The following LRP12 variants were observed in gnomAD, a reference collection of about 807,000 sequenced individuals.
LRP12 encodes the protein low-density lipoprotein receptor-related protein 12.
Under a neutral mutation model 66.0 loss-of-function variants are expected in LRP12, and 14 were observed. That is an observed-to-expected ratio of 0.21 (90% CI 0.14 to 0.33). The LOEUF (loss-of-function observed/expected upper bound fraction) is 0.33, where lower values mean the gene tolerates loss of function less well. Among genes scored for constraint, LRP12 ranks in the 10% least tolerant of loss-of-function variants. The pLI is 1.00. For missense variants in LRP12, 889 were observed against 1,053.4 expected (o/e 0.84, Z 2.16); for synonymous variants, 357 against 359.1 (o/e 0.99, Z 0.07).
At chr8:104,498,418 G>A (rs978069275) in intron 4 of LRP12, among the ~76,000 whole-genome samples, 1 of 136,980 alleles carries the variant, frequency 7.3e-6, no homozygotes, top group Non-Finnish European at 1.5e-5. Flanking sequence ...TCTGGGGCCT[G>A]TGTCCATGTG....
At chr8:104,583,457 C>T (rs79297777) in intron 1 of LRP12, among the ~76,000 whole-genome samples, 1,659 of 152,254 alleles carry the variant, frequency 0.011, 22 homozygotes, top group African/African-American at 0.021. Flanking sequence ...GTCTCATAAA[C>T]GTCCCTTCAT....
intron 3 of LRP12, among the ~76,000 whole-genome samples, chr8:104,499,828 C>T (rs541493723): frequency 6.6e-6 from 1 of 152,270 alleles, no homozygotes; most frequent in South Asian, 2.1e-4. Context: ...GGAAAGACCA[C>T]TTCTAACTCA....
chr8:104,561,988 T>C (rs1305618220), intron 1 of LRP12, among the ~76,000 whole-genome samples: 1 of 152,214 alleles, frequency 6.6e-6, no homozygotes, highest in Admixed American at 6.5e-5. Context: ...TCACTGCTAT[T>C]GTGCAATTAT....
At chr8:104,553,219 C>A (rs925831462) in intron 1 of LRP12, among the ~76,000 whole-genome samples, 1 of 152,064 alleles carries the variant, frequency 6.6e-6, no homozygotes, top group African/African-American at 2.4e-5. Flanking sequence ...GTGAAGTTTA[C>A]TGGACAGAAT....
At chr8:104,588,028 G>A (rs534521338) in intron 1 of LRP12, among the ~76,000 whole-genome samples, 1 of 152,314 alleles carries the variant, frequency 6.6e-6, no homozygotes, top group African/African-American at 2.4e-5. Context: ...ATATAAAGCT[G>A]TCCGCACAGT....
Position 104,560,623 on chromosome 8 carries a change from C to G in LRP12, c.79+28196G>C, listed in dbSNP as rs182834542. On this transcript the variant is annotated intron_variant, in intron 1 of 6. Transcript: ENST00000276654. ...TTTGTGAAGTATGTTGAAGCAAATG[C>G]CACATATCATTTTACCTCCATATAC... Among the ~76,000 whole-genome samples the G allele has an allele frequency of 6.0e-3, 915 of 152,218 alleles. 9 individuals are homozygous for G. Among genetic ancestry groups the G allele is most frequent in the Admixed American group, 0.012 (190 of 15,282 alleles).
Position 104,573,836 on chromosome 8 carries a change from G to GA in LRP12, c.79+14982dup, listed in dbSNP as rs532669860. On this transcript the variant is annotated intron_variant, in intron 1 of 6. Transcript: ENST00000276654. Reference sequence around the variant, plus strand: ...AAGAGGGAGGTTAGGTTACAGGAAGGAAAAAAAGAGGTAGAGGGCAGAAGA... The same window carrying GA: ...AAGAGGGAGGTTAGGTTACAGGAAGGAAAAAAAAGAGGTAGAGGGCAGAAGA... 2.4e-4 allele frequency among the ~76,000 whole-genome samples: 36 copies of GA among 151,858 alleles called. No homozygotes were observed. The East Asian group carries it at 6.2e-3, about 26-fold the overall frequency.
intron 1 of LRP12, among the ~76,000 whole-genome samples, chr8:104,575,377 T>C (rs7838928): frequency 0.071 from 10,856 of 152,254 alleles, 1,092 homozygotes; most frequent in African/African-American, 0.23. Flanking sequence ...GCACTGCTAG[T>C]GCTCTGCCAC....
At chr8:104,522,788 T>C (rs1163624552) in intron 2 of LRP12, among the ~76,000 whole-genome samples, 1 of 152,016 alleles carries the variant, frequency 6.6e-6, no homozygotes, top group African/African-American at 2.4e-5. Context: ...CAAATCTCAT[T>C]CTCTTATTCT....
At chr8:104,523,340 A>G (rs1811178734) in intron 2 of LRP12, among the ~76,000 whole-genome samples, 1 of 152,218 alleles carries the variant, frequency 6.6e-6, no homozygotes, top group Non-Finnish European at 1.5e-5. Flanking sequence ...CTAACCTATT[A>G]TAAAGAGTTA....
intron 1 of LRP12, among the ~76,000 whole-genome samples, chr8:104,547,464 G>GTTATA (rs1383283721): frequency 1.5e-5 from 2 of 131,668 alleles, no homozygotes; most frequent in Non-Finnish European, 3.1e-5. Context: ...ATATAATTCT[G>GTTATA]TTATATTTTG....
chr8:104,570,721 A>G (rs2140893799), intron 1 of LRP12, among the ~76,000 whole-genome samples: 1 of 152,340 alleles, frequency 6.6e-6, no homozygotes, highest in East Asian at 1.9e-4. Flanking sequence ...TTAGGTAAAG[A>G]GCTTTTAGAA....
At chr8:104,522,626 G>A (rs1383390289) in intron 2 of LRP12, among the ~76,000 whole-genome samples, 1 of 152,088 alleles carries the variant, frequency 6.6e-6, no homozygotes, top group Non-Finnish European at 1.5e-5. Context: ...TTTGGAAGTT[G>A]TATCATTGGT....
At chr8:104,556,438 T>C (rs1484078287) in intron 1 of LRP12, among the ~76,000 whole-genome samples, 1 of 152,092 alleles carries the variant, frequency 6.6e-6, no homozygotes, top group East Asian at 1.9e-4. Context: ...ATAAGCTTAA[T>C]TAGAAATGAA....
At chr8:104,547,522 ATTG>A in intron 1 of LRP12, among the ~76,000 whole-genome samples, 1 of 123,168 alleles carries the variant, frequency 8.1e-6, no homozygotes, top group Admixed American at 8.8e-5. Flanking sequence ...ATAATATATA[ATTG>A]TTATATTTTG....
chr8:104,491,562 TAA>T, intron 6 of LRP12, 23 bp from the exon 7 acceptor site: 1 of 1,517,720 alleles, frequency 6.6e-7, no homozygotes, highest in Non-Finnish European at 8.8e-7. Context: ...GAAAAGATCT[TAA>T]GATAGTTAAC....
intron 1 of LRP12, among the ~76,000 whole-genome samples, chr8:104,571,929 T>C (rs1812085565): frequency 6.6e-6 from 1 of 152,240 alleles, no homozygotes; most frequent in South Asian, 2.1e-4. Context: ...TGGGGACCAC[T>C]GACCTAGAGA....
intron 1 of LRP12, among the ~76,000 whole-genome samples, chr8:104,564,742 C>T (rs1264086693): frequency 6.6e-6 from 1 of 151,918 alleles, no homozygotes. Flanking sequence ...GCCAGCCTTG[C>T]CAACACGGTG....
intron 1 of LRP12, among the ~76,000 whole-genome samples, chr8:104,570,883 C>G (rs543136874): frequency 2.3e-4 from 35 of 152,134 alleles, no homozygotes; most frequent in South Asian, 2.1e-3. Context: ...CAAAACTCAA[C>G]AGCAAAAAAC....
Sources: gnomAD v4.1 joint callset for allele counts (sites outside exome capture counted in the v4.1 genomes callset) on GRCh38, gnomAD v4.1.1 for gene constraint, MANE v1.5 for transcripts, NCBI Gene and HGNC (gene_info 2026-07-23, HGNC 2026-07-21) for gene names.